ERMP1: variants seen among roughly 807,000 people sequenced by gnomAD.
ERMP1 encodes Felix-ina.
A neutral mutation model predicts 92.0 loss-of-function variants in ERMP1; 86 were observed. That is an observed-to-expected ratio of 0.93 (90% CI 0.79 to 1.12). ERMP1 has a LOEUF of 1.12. Among genes scored for constraint, ERMP1 ranks in the 50% most tolerant of loss-of-function variants. The probability of loss-of-function intolerance (pLI) is 0.00; values close to 1 mark genes in which losing one functional copy is unlikely to be tolerated. For synonymous variants in ERMP1, 530 were observed against 412.8 expected (o/e 1.28, Z -3.44); for missense variants, 1,342 against 1,116.3 (o/e 1.20, Z -2.88).
At chr9:5,848,713 T>C (rs1359694984) in intron 6 of ERMP1, among the ~76,000 whole-genome samples, 2 of 152,120 alleles carry the variant, frequency 1.3e-5, no homozygotes, top group Non-Finnish European at 2.9e-5. Flanking sequence ...AAAATGCCTC[T>C]TGTTTGAAGG....
chr9:5,825,193 A>C lies in ERMP1; in HGVS notation c.667T>G (p.Ser223Ala), dbSNP rs776985295. The C allele has an allele frequency of 5.0e-6, 8 of 1,613,270 alleles. No homozygotes were observed. Among genetic ancestry groups the C allele is most frequent in the Non-Finnish European group, 2.5e-6 (3 of 1,179,820 alleles). ...ACGCGAAGGACTTCCAGCATCACTG[A>C]GCAGCTAACTGCATCATCACTGGCA... is the stretch of plus-strand genomic sequence containing the variant. ...PGASDDAVSC[S>A]VMLEVLRVLS... The change falls in exon 3 of 15, where the codon TCA becomes GCA. Residue 223 changes from serine (S) to alanine (A), a missense_variant. Ser to Ala is a moderately conservative substitution (Grantham distance 99, BLOSUM62 1). Transcript: ENST00000339450.
chr9:5,788,731 G>A (rs1240598884), intron 13 of ERMP1, among the ~76,000 whole-genome samples: 1 of 151,840 alleles, frequency 6.6e-6, no homozygotes, highest in African/African-American at 2.4e-5. Context: ...TGAAGCAGGA[G>A]AAAATGTTAT....
intron 10 of ERMP1, among the ~76,000 whole-genome samples, chr9:5,804,425 C>G (rs1301407413): frequency 6.6e-6 from 1 of 152,172 alleles, no homozygotes; most frequent in Non-Finnish European, 1.5e-5. Flanking sequence ...ACACAGGACT[C>G]TCCTTACTAG....
At position 5,812,888 on chromosome 9, in the gene ERMP1, C is replaced by T; in HGVS notation, c.1021+1G>A. Reference sequence around the variant, plus strand: ...GTAGGCCGTAACCATTGACAATATACCTGGAATGTTCCCAAAATCCCTGTA... The same window carrying T: ...GTAGGCCGTAACCATTGACAATATATCTGGAATGTTCCCAAAATCCCTGTA... On this transcript the variant is annotated splice_donor_variant, in intron 5 of 14. Coordinates refer to ENST00000339450, the MANE Select transcript of ERMP1 (RefSeq NM_024896.3). LOFTEE classifies it high-confidence loss of function. 8 of 1,613,892 alleles carry T rather than the reference C, an allele frequency of 5.0e-6. No individual in the cohort carries two copies. Among genetic ancestry groups the T allele is most frequent in the Non-Finnish European group, 6.8e-6 (8 of 1,179,854 alleles).
rs768418859 is a variant in ERMP1, at chr9:5,810,250, A to G, written c.1328-19T>C. ...TTACCAGCTAATGAAGAGAAAACAA[A>G]AAGTTGAAATCACCATCTTCATCAA... is the stretch of plus-strand genomic sequence containing the variant. On this transcript the variant is annotated intron_variant, in intron 7 of 14. Transcript: ENST00000339450. 6.3e-6 allele frequency: 10 copies of G among 1,587,034 alleles called. No homozygotes were observed. Among genetic ancestry groups the G allele is most frequent in the Non-Finnish European group, 8.6e-6 (10 of 1,157,264 alleles).
Position 5,850,532 on chromosome 9 carries a change from T to C in ERMP1, n.3199+8936A>G, listed in dbSNP as rs1307464842. ...TGAGGAAACTGAATGTTTAACAAGT[T>C]CCTCCTGTGACTCTGAGATACCGTG... On this transcript the variant is annotated intron_variant and non_coding_transcript_variant, in intron 6 of 6. Transcript: ENST00000690753. Among the ~76,000 whole-genome samples the C allele has an allele frequency of 2.0e-5, 3 of 151,856 alleles. No individual in the cohort carries two copies. The East Asian group carries it at 5.8e-4, about 29-fold the overall frequency.
chr9:5,825,556 T>A (rs999116094), intron 2 of ERMP1, among the ~76,000 whole-genome samples: 2 of 152,270 alleles, frequency 1.3e-5, no homozygotes, highest in Admixed American at 1.3e-4. Context: ...CAATCTGTTC[T>A]ATTCTTTACC....
At position 5,798,970 on chromosome 9, in the gene ERMP1, T is replaced by C; in HGVS notation, c.2106A>G (p.Ala702=). The change falls in exon 12 of 15, where the codon GCA becomes GCG. Residue 702 remains alanine (A), a synonymous_variant. Coordinates refer to ENST00000339450, the MANE Select transcript of ERMP1 (RefSeq NM_024896.3). ...TRTFHDLEGN[A]VKRDSGIWIN... is the part of the protein sequence containing the mutation. ...TCCATATTCCAGAGTCCCGTTTAAC[T>C]GCATTTCCTTCCAAGTCATGGAATG... 1.2e-6 allele frequency: 2 copies of C among 1,613,824 alleles called. No individual in the cohort carries two copies. The highest frequency in any genetic ancestry group is 1.7e-6 in the Non-Finnish European group (2 of 1,179,824).
intron 5 of ERMP1, among the ~76,000 whole-genome samples, chr9:5,866,640 C>T (rs112556067): frequency 2.0e-5 from 3 of 152,140 alleles, no homozygotes; most frequent in African/African-American, 7.2e-5. Flanking sequence ...CTAAGGAAAC[C>T]TGTAATCAAA....
At chr9:5,799,922 G>A (rs559271909) in intron 11 of ERMP1, among the ~76,000 whole-genome samples, 8 of 152,278 alleles carry the variant, frequency 5.3e-5, no homozygotes, top group African/African-American at 1.7e-4. Context: ...TTTACAAATT[G>A]TAAAATCTCA....
At chr9:5,814,846 G>A (rs181652206) in intron 4 of ERMP1, among the ~76,000 whole-genome samples, 28 of 152,214 alleles carry the variant, frequency 1.8e-4, no homozygotes, top group African/African-American at 6.5e-4. Flanking sequence ...AAATAATTAT[G>A]ATTAATATGT....
intron 2 of ERMP1, among the ~76,000 whole-genome samples, chr9:5,827,293 T>C (rs1433127567): frequency 6.6e-6 from 1 of 152,184 alleles, no homozygotes; most frequent in African/African-American, 2.4e-5. Context: ...ATGGGCCACA[T>C]TAAGAGAAGA....
chr9:5,841,874 T>C (rs1830167555), intron 6 of ERMP1, among the ~76,000 whole-genome samples: 1 of 151,764 alleles, frequency 6.6e-6, no homozygotes. Context: ...AGTTTCTTCC[T>C]TGTGGTGGGT....
chr9:5,823,959 T>G lies in ERMP1; in HGVS notation c.811A>C (p.Ile271Leu). 1.9e-6 allele frequency: 3 copies of G among 1,614,162 alleles called. No individual in the cohort carries two copies. The highest frequency in any genetic ancestry group is 2.5e-6 in the Non-Finnish European group (3 of 1,180,016). ...FITQHPWASL[I>L]RAFINLEAAG... ...GCCTCTAGGTTAATGAATGCACGAA[T>G]CAAGCTAGCCCAGGGGTGCTGAGTA... The change falls in exon 4 of 15, where the codon ATT (isoleucine) becomes CTT (leucine). Residue 271 changes from isoleucine (I) to leucine (L), a missense_variant. Coordinates refer to ENST00000339450, the MANE Select transcript of ERMP1 (RefSeq NM_024896.3).
At chr9:5,857,798 C>T (rs535531082) in intron 6 of ERMP1, among the ~76,000 whole-genome samples, 21 of 152,340 alleles carry the variant, frequency 1.4e-4, no homozygotes, top group African/African-American at 4.8e-4. Flanking sequence ...TTCATTCACT[C>T]ATTCTTTTGT....
In ERMP1 at chr9:5,805,129, C is replaced by T. The variant is rs777442205; in HGVS notation, c.1812G>A (p.Glu604=). The T allele has an allele frequency of 1.2e-6, 2 of 1,613,488 alleles. No homozygotes were observed. Among genetic ancestry groups the T allele is most frequent in the South Asian group, 2.2e-5 (2 of 91,030 alleles). ...TTCTCCCGAGGATAGGGGTAAACATCTCAAATACTGCCCAGATGAGGTACA... is the reference window on the plus strand; with the variant it reads ...TTCTCCCGAGGATAGGGGTAAACATTTCAAATACTGCCCAGATGAGGTACA... ...YALYLIWAVF[E]MFTPILGRSG... Residue 604 remains glutamate (E), a synonymous_variant, in exon 10 of 15, where the codon GAG becomes GAA. Transcript: ENST00000339450.
chr9:5,801,477 A>C, intron 10 of ERMP1, 149 bp from the exon 11 acceptor site: 2 of 632,438 alleles, frequency 3.2e-6, no homozygotes, highest in Non-Finnish European at 5.2e-6. Flanking sequence ...ACATCTAGTA[A>C]ACAAAGCACT....
chr9:5,791,860 C>T (rs969708757), intron 13 of ERMP1, among the ~76,000 whole-genome samples: 1 of 152,140 alleles, frequency 6.6e-6, no homozygotes, highest in African/African-American at 2.4e-5. Flanking sequence ...GTCTGCCTCC[C>T]TTTAATTCTA....
chr9:5,796,949 G>T (rs1563749484), intron 13 of ERMP1, among the ~76,000 whole-genome samples: 1 of 152,118 alleles, frequency 6.6e-6, no homozygotes, highest in African/African-American at 2.4e-5. Context: ...ACTAATGCAA[G>T]ACATTAATAG....
Sources: gnomAD v4.1 joint callset for allele counts (sites outside exome capture counted in the v4.1 genomes callset) on GRCh38, gnomAD v4.1.1 for gene constraint, MANE v1.5 for transcripts, NCBI Gene and HGNC (gene_info 2026-07-23, HGNC 2026-07-21) for gene names.